Variants in FERMT1 observed in about 807,000 individuals in gnomAD.
FERMT1 encodes FERM domain containing kindlin 1, also known as fermitin family homolog 1.
FERMT1 carries 60 observed loss-of-function variants against 85.3 expected under a neutral mutation model. That is an observed-to-expected ratio of 0.70 (90% CI 0.57 to 0.87). The LOEUF is 0.87. Among genes scored for constraint, FERMT1 ranks in the 40% least tolerant of loss-of-function variants. The probability of loss-of-function intolerance (pLI) is 0.00; values close to 1 mark genes in which losing one functional copy is unlikely to be tolerated. For missense variants in FERMT1, 701 were observed against 818.9 expected (o/e 0.86, Z 1.76); for synonymous variants, 275 against 301.1 (o/e 0.91, Z 0.90).
chr20:6,089,227 A>G, intron 9 of FERMT1, 138 bp from the exon 10 acceptor site: 1 of 839,230 alleles, frequency 1.2e-6, no homozygotes, highest in Non-Finnish European at 1.9e-6. Flanking sequence ...TCAAATTGCT[A>G]ATTTCCAAGC....
In FERMT1 at chr20:6,085,115, G is replaced by A. The variant is rs1479086600; in HGVS notation, c.1544C>T (p.Pro515Leu). ...ACACCGTGGTGACACAAAACATTCT[G>A]GGTTCATATCCATGTTTTCGAGACT... ...ASSLENMDMN[P>L]ECFVSPRCAK... Residue 515 changes from proline (P) to leucine (L), a missense_variant, in exon 12 of 15, where the codon CCA (proline) becomes CTA (leucine). By Grantham distance (98) the Pro-to-Leu change is moderately conservative. Transcript: ENST00000217289. 1 of 1,614,196 alleles carries A rather than the reference G, an allele frequency of 6.2e-7. No homozygotes were observed. Among genetic ancestry groups the A allele is most frequent in the South Asian group, 1.1e-5 (1 of 91,082 alleles).
rs1775061325 is a variant in FERMT1 at position 6,075,131 on chromosome 20, T to A, written c.*2042A>T. The A allele has an allele frequency of 6.6e-6, 1 of 152,034 alleles. No homozygotes were observed. Among genetic ancestry groups the A allele is most frequent in the South Asian group, 2.1e-4 (1 of 4,822 alleles). 9.4% of individuals were successfully genotyped at this position (152,034 alleles called of 1,614,324 possible). On this transcript the variant is annotated 3_prime_UTR_variant, in exon 15 of 15. Coordinates refer to ENST00000217289, the MANE Select transcript of FERMT1 (RefSeq NM_017671.5). ...GGAAGAAACGCTCCCCTGAAAACTGTAACCAAACAAAGTTTGGTTAAAACA... is the reference window on the plus strand; with the variant it reads ...GGAAGAAACGCTCCCCTGAAAACTGAAACCAAACAAAGTTTGGTTAAAACA...
chr20:6,094,791 C>A, intron 9 of FERMT1, 148 bp downstream of exon 9: 2 of 673,440 alleles, frequency 3.0e-6, no homozygotes, highest in South Asian at 3.3e-5. Flanking sequence ...AGAGCTACGA[C>A]TCAACCCATT....
rs1020111370 is a variant in FERMT1 at position 6,076,975 on chromosome 20, C to T, written c.*198G>A. 3 of 613,100 alleles carry T rather than the reference C, an allele frequency of 4.9e-6. No individual in the cohort carries two copies. Among genetic ancestry groups the T allele is most frequent in the Middle Eastern group, 8.7e-4 (2 of 2,302 alleles). 38.0% of individuals were successfully genotyped at this position (613,100 alleles called of 1,614,324 possible). ...TTTATAGAAAAAACAAGAGAGGCTCCTTCCGTGGCTGGTAGCACAGGGCAA... is the reference window on the plus strand; with the variant it reads ...TTTATAGAAAAAACAAGAGAGGCTCTTTCCGTGGCTGGTAGCACAGGGCAA... On this transcript the variant is annotated 3_prime_UTR_variant, in exon 15 of 15. Coordinates refer to ENST00000217289, the MANE Select transcript of FERMT1 (RefSeq NM_017671.5).
chr20:6,104,526 TA>T lies in FERMT1; in HGVS notation c.849+3005del, dbSNP rs1982748176. On this transcript the variant is annotated intron_variant, in intron 6 of 14. Coordinates refer to ENST00000217289, the MANE Select transcript of FERMT1 (RefSeq NM_017671.5). This position sits in a 1 kb window ranked among gnomAD's most constrained non-coding sequence, Gnocchi z 4.2. ...GGGAAGGGAATACTGCCATAAGTAC[TA>T]AAGTGGTTGAGGATCACAGTGTCCT... 6.6e-6 allele frequency among the ~76,000 whole-genome samples: 1 copy of T among 152,222 alleles called. No individual in the cohort carries two copies. Among genetic ancestry groups the T allele is most frequent in the Non-Finnish European group, 1.5e-5 (1 of 68,032 alleles).
At position 6,079,711 on chromosome 20, in the gene FERMT1, T is replaced by C. The variant is rs987176659; in HGVS notation, c.1719-134A>G. 15 of 890,528 alleles carry C rather than the reference T, an allele frequency of 1.7e-5. No homozygotes were observed. In the Admixed American group the frequency reaches 2.7e-4, roughly 16 times the overall value. The allele number at this position is 890,528 out of a possible 1,614,324, so 55.2% of individuals were successfully genotyped here. On this transcript the variant is annotated intron_variant, in intron 13 of 14. Transcript: ENST00000217289. ...GAGGAATGGACAATGAAGAATTAAC[T>C]TTCTGCAGGGGGGCATTTTTATTGG...
rs1449430630 is a variant in FERMT1 at position 6,079,519 on chromosome 20, T to C, written c.1777A>G (p.Ile593Val). ...ACTGGAATCCCGGTGGCTGCATCAA[T>C]TTTAATCAACCTGTTATATGAAACT... ...LGVSYNRLIK[I>V]DAATGIPVTT... Residue 593 changes from isoleucine to valine, a missense_variant, in exon 14 of 15, where the codon ATT (isoleucine) becomes GTT (valine). Coordinates refer to ENST00000217289, the MANE Select transcript of FERMT1 (RefSeq NM_017671.5). 6.2e-7 allele frequency: 1 copy of C among 1,613,906 alleles called. No individual in the cohort carries two copies. Among genetic ancestry groups the C allele is most frequent in the African/African-American group, 1.3e-5 (1 of 74,926 alleles).
At chr20:6,109,149 C>T (rs1045408154) in intron 5 of FERMT1, among the ~76,000 whole-genome samples, 5 of 152,102 alleles carry the variant, frequency 3.3e-5, no homozygotes, top group African/African-American at 1.2e-4. Flanking sequence ...ATGACCAACA[C>T]AAAATCACCA....
At chr20:6,108,955 G>C (rs1390917216) in intron 5 of FERMT1, among the ~76,000 whole-genome samples, 2 of 152,182 alleles carry the variant, frequency 1.3e-5, no homozygotes, top group Non-Finnish European at 2.9e-5. Context: ...TCTGCAATGA[G>C]AGAAATATTC....
At chr20:6,106,730 G>A (rs1009721234) in intron 6 of FERMT1, among the ~76,000 whole-genome samples, 2 of 152,216 alleles carry the variant, frequency 1.3e-5, no homozygotes, top group Non-Finnish European at 2.9e-5. Flanking sequence ...GACCAGCTGG[G>A]TGACCAGGTG....
intron 1 of FERMT1, among the ~76,000 whole-genome samples, chr20:6,121,844 C>T (rs147744941): frequency 5.9e-5 from 9 of 152,294 alleles, no homozygotes; most frequent in East Asian, 1.9e-4. Context: ...CCTCAAACTA[C>T]GTGAACTAAA....
chr20:6,088,072 A>G (rs1187324056), intron 10 of FERMT1, among the ~76,000 whole-genome samples, 189 bp from the exon 11 acceptor site: 2 of 151,622 alleles, frequency 1.3e-5, no homozygotes, highest in Non-Finnish European at 2.9e-5. Flanking sequence ...ATTAACATAG[A>G]TAAAGAAAAA....
At chr20:6,111,504 C>T (rs148200643) in intron 4 of FERMT1, among the ~76,000 whole-genome samples, 17 of 152,140 alleles carry the variant, frequency 1.1e-4, no homozygotes, top group African/African-American at 3.6e-4. Flanking sequence ...TGATGGTGCA[C>T]ACCTGTAATT....
At chr20:6,099,119 C>A (rs1312934059) in intron 6 of FERMT1, among the ~76,000 whole-genome samples, 1 of 152,050 alleles carries the variant, frequency 6.6e-6, no homozygotes, top group Non-Finnish European at 1.5e-5. Flanking sequence ...GAATGAAATT[C>A]TGGCTGGGCA....
At chr20:6,088,718 T>C (rs1172189009) in intron 10 of FERMT1, among the ~76,000 whole-genome samples, 1 of 148,512 alleles carries the variant, frequency 6.7e-6, no homozygotes, top group East Asian at 2.0e-4. Flanking sequence ...AACCTTCACC[T>C]CTTCAAGTGG....
intron 2 of FERMT1, among the ~76,000 whole-genome samples, chr20:6,116,729 C>CA (rs58183881): frequency 0.095 from 13,403 of 140,780 alleles, 1,210 homozygotes; most frequent in East Asian, 0.48. Context: ...ATCTCTGTCT[C>CA]AAAAAAAAAA....
At chr20:6,114,180 C>T (rs911583389) in intron 3 of FERMT1, among the ~76,000 whole-genome samples, 6 of 152,126 alleles carry the variant, frequency 3.9e-5, no homozygotes, top group Non-Finnish European at 7.4e-5. Flanking sequence ...ACACGTGTGA[C>T]CATTCCAAAT....
intron 9 of FERMT1, 62 bp downstream of exon 9, chr20:6,094,877 G>T: frequency 1.1e-6 from 1 of 938,214 alleles, no homozygotes; most frequent in Non-Finnish European, 1.8e-6. Flanking sequence ...TTAAACTCCT[G>T]CACTCTTTAT....
Position 6,089,012 on chromosome 20 carries a change from T to C in FERMT1, c.1217A>G (p.Asn406Ser), listed in dbSNP as rs1982270969. The C allele has an allele frequency of 6.2e-7, 1 of 1,612,002 alleles. No individual in the cohort carries two copies. The highest frequency in any genetic ancestry group is 1.7e-5 in the Admixed American group (1 of 59,948). The change falls in exon 10 of 15, where the codon AAT becomes AGT. Residue 406 changes from asparagine to serine, a missense_variant. Physicochemically the swap from Asn to Ser is conservative, Grantham distance 46 (BLOSUM62 1). Transcript: ENST00000217289. ...FKDTSIAYFK[N>S]KELEQGEPLE... ...TGGTTCTCCTTGTTCAAGTTCCTTA[T>C]TTTTAAAGTATGCTATGGATGTGTC...
Sources: allele counts gnomAD v4.1 joint callset (sites outside exome capture counted in the v4.1 genomes callset), GRCh38; gene constraint gnomAD v4.1.1; non-coding constraint Gnocchi (gnomAD v3.1); transcripts MANE v1.5; gene names NCBI Gene and HGNC (gene_info 2026-07-23, HGNC 2026-07-21).